Variants in CEP170 observed in about 807,000 individuals in gnomAD.
CEP170 encodes the protein centrosomal protein of 170 kDa.
CEP170 carries 21 observed loss-of-function variants against 151.9 expected under a neutral mutation model. The observed-to-expected ratio is 0.14, with a 90% CI of 0.10 to 0.20. CEP170 has a LOEUF of 0.20. Among genes scored for constraint, CEP170 ranks in the 10% least tolerant of loss-of-function variants. The pLI, the probability that CEP170 is intolerant of heterozygous loss-of-function variation, is 1.00. For missense variants in CEP170, 964 were observed against 1,892.9 expected (o/e 0.51, Z 9.11); for synonymous variants, 356 against 648.8 (o/e 0.55, Z 6.86).
At chr1:243,228,810 G>A (rs898048314) in intron 1 of CEP170, among the ~76,000 whole-genome samples, 3 of 152,098 alleles carry the variant, frequency 2.0e-5, no homozygotes, top group Non-Finnish European at 4.4e-5. Flanking sequence ...TAATTATACA[G>A]TTGGATAAAA....
intron 13 of CEP170, among the ~76,000 whole-genome samples, chr1:243,157,298 T>C (rs1240305998): frequency 6.6e-6 from 1 of 152,166 alleles, no homozygotes; most frequent in Non-Finnish European, 1.5e-5. Context: ...CTCACACATT[T>C]AAAAAATCAG....
chr1:243,143,641 G>A (rs1164765645), intron 14 of CEP170, among the ~76,000 whole-genome samples: 1 of 151,342 alleles, frequency 6.6e-6, no homozygotes, highest in Non-Finnish European at 1.5e-5. Flanking sequence ...ATTTCCACAG[G>A]GAAGGTTTTG....
intron 10 of CEP170, among the ~76,000 whole-genome samples, chr1:243,173,840 T>C (rs1015871455): frequency 2.0e-5 from 3 of 152,224 alleles, no homozygotes; most frequent in African/African-American, 7.2e-5. Flanking sequence ...TTTGCTCTAT[T>C]ATTTTTGTGA....
chr1:243,132,255 A>G (rs909716673), intron 17 of CEP170, among the ~76,000 whole-genome samples: 7 of 152,210 alleles, frequency 4.6e-5, no homozygotes, highest in African/African-American at 1.7e-4. Flanking sequence ...AGGTTTGGTT[A>G]TCACAACTCA....
chr1:243,184,789 G>A lies in CEP170; in HGVS notation c.1566+990C>T, dbSNP rs1345614468. On this transcript the variant is annotated intron_variant, in intron 10 of 19. Transcript: ENST00000366542. ...CCAGAAACTCATCATCTAAATAAGT[G>A]CATCTCAAATGTTAATGTGCACATT... Among the ~76,000 whole-genome samples, 11 of 151,802 alleles carry A rather than the reference G, an allele frequency of 7.2e-5. No homozygotes were observed. In the East Asian group the frequency reaches 1.6e-3, roughly 21 times the overall value.
At chr1:243,159,166 G>C (rs187486367) in intron 13 of CEP170, among the ~76,000 whole-genome samples, 1 of 152,284 alleles carries the variant, frequency 6.6e-6, no homozygotes, top group East Asian at 1.9e-4. Context: ...AATTGAGGAG[G>C]AAACTGGATA....
At chr1:243,210,581 T>C (rs1410004792) in intron 4 of CEP170, among the ~76,000 whole-genome samples, 1 of 149,192 alleles carries the variant, frequency 6.7e-6, no homozygotes, top group Non-Finnish European at 1.5e-5. Context: ...ATTTAAAATT[T>C]AAAAAATTGT....
chr1:243,178,311 A>AC (rs2059388805), intron 10 of CEP170, among the ~76,000 whole-genome samples: 1 of 146,466 alleles, frequency 6.8e-6, no homozygotes, highest in Non-Finnish European at 1.5e-5. Context: ...TCTGCCTCAA[A>AC]AAAAAAAAAA....
At chr1:243,142,130 A>G (rs1172422725) in intron 15 of CEP170, among the ~76,000 whole-genome samples, 186 bp downstream of exon 15, 1 of 152,246 alleles carries the variant, frequency 6.6e-6, no homozygotes, top group Non-Finnish European at 1.5e-5. Flanking sequence ...TAGTAGACCA[A>G]ATGTTAGCCT....
At chr1:243,155,050 T>C (rs1353425687) in intron 14 of CEP170, among the ~76,000 whole-genome samples, 1 of 152,174 alleles carries the variant, frequency 6.6e-6, no homozygotes, top group Non-Finnish European at 1.5e-5. Context: ...AAGCATTTTG[T>C]TGGCCCATAA....
chr1:243,196,805 T>C (rs758499539), intron 7 of CEP170, among the ~76,000 whole-genome samples: 4 of 152,080 alleles, frequency 2.6e-5, no homozygotes, highest in Admixed American at 6.6e-5. Context: ...ACACACAACA[T>C]AATGAATGAA....
chr1:243,155,662 AT>A (rs908149755), intron 14 of CEP170, among the ~76,000 whole-genome samples: 28 of 151,840 alleles, frequency 1.8e-4, no homozygotes, highest in Admixed American at 3.3e-4. Context: ...TGCAGCATAA[AT>A]TTTTTTTGTA....
chr1:243,233,014 T>C (rs1262866367), intron 1 of CEP170, among the ~76,000 whole-genome samples: 1 of 152,102 alleles, frequency 6.6e-6, no homozygotes, highest in Non-Finnish European at 1.5e-5. Context: ...GGGCAGGAGG[T>C]GAAATTAATC....
intron 9 of CEP170, 63 bp downstream of exon 9, chr1:243,186,196 C>T (rs752715173): frequency 1.3e-5 from 21 of 1,612,448 alleles, no homozygotes; most frequent in African/African-American, 2.7e-5. Context: ...TAAAAGAATA[C>T]GACCTTCTTT....
At chr1:243,161,159 C>T (rs926788837) in intron 13 of CEP170, among the ~76,000 whole-genome samples, 9 of 151,482 alleles carry the variant, frequency 5.9e-5, no homozygotes, top group South Asian at 2.1e-4. Flanking sequence ...AAAAATTAGG[C>T]GGGCATGGTG....
chr1:243,153,239 G>T (rs2057272200), intron 14 of CEP170, among the ~76,000 whole-genome samples: 1 of 152,222 alleles, frequency 6.6e-6, no homozygotes, highest in African/African-American at 2.4e-5. Flanking sequence ...GGAAAAGAAA[G>T]TGGTATCTTG....
At chr1:243,149,328 T>G (rs2148394762) in intron 14 of CEP170, among the ~76,000 whole-genome samples, 1 of 152,338 alleles carries the variant, frequency 6.6e-6, no homozygotes, top group African/African-American at 2.4e-5. Context: ...TGACGCCATC[T>G]GACAGCAAAG....
intron 3 of CEP170, among the ~76,000 whole-genome samples, chr1:243,220,270 T>C (rs902772041): frequency 6.6e-6 from 1 of 152,152 alleles, no homozygotes; most frequent in African/African-American, 2.4e-5. Context: ...AGACATAGCA[T>C]AGCAGGAAGA....
intron 1 of CEP170, among the ~76,000 whole-genome samples, chr1:243,247,633 C>T (rs1281042202): frequency 1.3e-5 from 2 of 152,186 alleles, no homozygotes; most frequent in African/African-American, 2.4e-5. Flanking sequence ...GGACTACAGG[C>T]GTGAGCCACC....
Sources: allele counts gnomAD v4.1 joint callset (sites outside exome capture counted in the v4.1 genomes callset), GRCh38; gene constraint gnomAD v4.1.1; transcripts MANE v1.5; gene names NCBI Gene and HGNC (gene_info 2026-07-23, HGNC 2026-07-21).